Variants in RIMBP2 observed in about 807,000 individuals in gnomAD.
RIMBP2 encodes RIMS binding protein 2, also known as RIMS-binding protein 2.
A neutral mutation model predicts 118.6 loss-of-function variants in RIMBP2; 48 were observed. The ratio of observed to expected loss-of-function variants is 0.40; its 90% confidence interval spans 0.32 to 0.51. The LOEUF is 0.51. Ranked by LOEUF, RIMBP2 falls within the 20% of genes least tolerant of loss-of-function variation. The pLI is 0.41. For synonymous variants in RIMBP2, 762 were observed against 742.9 expected, an observed-to-expected ratio of 1.03 and a Z score of -0.42; for missense variants, 1,551 against 1,768.3, an observed-to-expected ratio of 0.88 and a Z score of 2.20.
chr12:130,636,232 A>G (rs2062339437), intron 1 of RIMBP2, among the ~76,000 whole-genome samples: 3 of 152,192 alleles, frequency 2.0e-5, no homozygotes, highest in Admixed American at 2.0e-4. Flanking sequence ...CACTTCGCCC[A>G]GGAAGCCCTC....
At chr12:130,538,366 T>C (rs1358952336) in intron 2 of RIMBP2, among the ~76,000 whole-genome samples, 1 of 151,990 alleles carries the variant, frequency 6.6e-6, no homozygotes, top group African/African-American at 2.4e-5. Context: ...TAAACGTCCG[T>C]ATGTTTGTCC....
At chr12:130,588,630 T>G (rs955460472) in intron 2 of RIMBP2, among the ~76,000 whole-genome samples, 32 of 152,308 alleles carry the variant, frequency 2.1e-4, no homozygotes, top group African/African-American at 6.7e-4. Context: ...ACCAGAAAGA[T>G]TTCAGGAGAC....
intron 20 of RIMBP2, among the ~76,000 whole-genome samples, chr12:130,407,243 C>T (rs1397597675): frequency 6.6e-6 from 1 of 152,212 alleles, no homozygotes; most frequent in Non-Finnish European, 1.5e-5. Flanking sequence ...CTGGAGACCC[C>T]ACCTCTCATT....
chr12:130,580,872 G>A (rs1462319512), intron 2 of RIMBP2, among the ~76,000 whole-genome samples: 3 of 152,136 alleles, frequency 2.0e-5, no homozygotes, highest in Non-Finnish European at 2.9e-5. Context: ...CCCTGGGGGC[G>A]GAGGTTGCAG....
rs777097560 is a variant in RIMBP2, at chr12:130,604,582, C to CTTT, written c.-217+23737_-217+23739dup. On this transcript the variant is annotated intron_variant, in intron 2 of 22. Transcript: ENST00000690449. ...AGTGCCCTATACAGATGCCCCTTTTCTTTCTTTTTTTTTTTTTTTGAGACA... is the reference window on the plus strand; with the variant it reads ...AGTGCCCTATACAGATGCCCCTTTTCTTTTTTCTTTTTTTTTTTTTTTGAGACA... Among the ~76,000 whole-genome samples, 200 of 67,134 alleles carry CTTT rather than the reference C, an allele frequency of 3.0e-3. 6 individuals are homozygous for CTTT. The highest frequency in any genetic ancestry group is 5.1e-3 in the South Asian group (6 of 1,186). The allele number at this position is 67,134 out of a possible 152,430, so 44.0% of individuals were successfully genotyped here. A position where few individuals can be genotyped will look rare whatever the true frequency, so the allele number is the denominator to read the frequency against.
intron 2 of RIMBP2, among the ~76,000 whole-genome samples, chr12:130,535,755 A>ATATATATATACATATATATATG (rs2054002768): frequency 2.3e-5 from 1 of 43,894 alleles, no homozygotes; most frequent in Non-Finnish European, 5.0e-5. Flanking sequence ...ATATATATAT[A>ATATATATATACATATATATATG]TATATATATA....
chr12:130,450,398 G>A lies in RIMBP2; in HGVS notation c.505-122C>T. Reference sequence around the variant, plus strand: ...CCCAGGAGGGACGGCCTGAGACTGTGGCACTCCCAGGAGGCACTGCCACCC... The same window carrying A: ...CCCAGGAGGGACGGCCTGAGACTGTAGCACTCCCAGGAGGCACTGCCACCC... On this transcript the variant is annotated intron_variant, in intron 8 of 22. Coordinates refer to ENST00000690449, the MANE Select transcript of RIMBP2 (RefSeq NM_001393629.1). The surrounding 1 kb of genome is among the most constrained non-coding windows in gnomAD (Gnocchi z 4.8). 1 of 715,566 alleles carries A rather than the reference G, an allele frequency of 1.4e-6. No individual in the cohort carries two copies. Among genetic ancestry groups the A allele is most frequent in the East Asian group, 2.8e-5 (1 of 35,428 alleles). The allele number at this position is 715,566 out of a possible 1,614,324, so 44.3% of individuals were successfully genotyped here.
At chr12:130,567,604 C>T (rs565322355) in intron 2 of RIMBP2, among the ~76,000 whole-genome samples, 1 of 152,162 alleles carries the variant, frequency 6.6e-6, no homozygotes, top group African/African-American at 2.4e-5. Flanking sequence ...GGCATCGGCA[C>T]GTCCCTGGGA....
intron 4 of RIMBP2, among the ~76,000 whole-genome samples, chr12:130,493,393 C>T (rs2048829540): frequency 6.6e-6 from 1 of 152,116 alleles, no homozygotes; most frequent in African/African-American, 2.4e-5. Flanking sequence ...CGGCTCACTG[C>T]AACCTCCACC....
intron 1 of RIMBP2, among the ~76,000 whole-genome samples, chr12:130,663,180 G>C (rs907010341): frequency 2.0e-5 from 3 of 152,142 alleles, no homozygotes; most frequent in Non-Finnish European, 4.4e-5. Context: ...GGAGGGCTGG[G>C]ATGACTGATG....
chr12:130,635,765 G>A (rs1286927197), intron 1 of RIMBP2, among the ~76,000 whole-genome samples: 4 of 152,092 alleles, frequency 2.6e-5, no homozygotes, highest in Admixed American at 2.6e-4. Flanking sequence ...GCCCAGGGGT[G>A]CAGTCCCACC....
chr12:130,560,982 AAT>A (rs2056776362), intron 2 of RIMBP2, among the ~76,000 whole-genome samples: 1 of 152,262 alleles, frequency 6.6e-6, no homozygotes, highest in Non-Finnish European at 1.5e-5. Flanking sequence ...CCCCTGACTT[AAT>A]ATGACTACAG....
At chr12:130,476,401 A>G (rs747237604) in intron 5 of RIMBP2, among the ~76,000 whole-genome samples, 1 of 152,124 alleles carries the variant, frequency 6.6e-6, no homozygotes, top group Non-Finnish European at 1.5e-5. Context: ...GGTGACTTCT[A>G]TCTTGGTAGG....
At chr12:130,709,154 C>T (rs1469115055) in intron 1 of RIMBP2, among the ~76,000 whole-genome samples, 1 of 152,258 alleles carries the variant, frequency 6.6e-6, no homozygotes, top group Non-Finnish European at 1.5e-5. Flanking sequence ...TTAATTCTCA[C>T]GATCCAGAAG....
intron 2 of RIMBP2, among the ~76,000 whole-genome samples, chr12:130,567,062 G>A (rs1216180451): frequency 1.3e-5 from 2 of 152,152 alleles, no homozygotes; most frequent in African/African-American, 4.8e-5. Flanking sequence ...AAGAGGTGAA[G>A]GAAGTTGGTA....
chr12:130,712,177 G>A (rs1949967230), intron 1 of RIMBP2, among the ~76,000 whole-genome samples: 1 of 152,240 alleles, frequency 6.6e-6, no homozygotes, highest in Non-Finnish European at 1.5e-5. Flanking sequence ...AGACCCTACA[G>A]AGGCTGCACG....
chr12:130,655,471 G>A (rs763055477), intron 1 of RIMBP2, among the ~76,000 whole-genome samples: 10 of 152,156 alleles, frequency 6.6e-5, no homozygotes, highest in African/African-American at 1.4e-4. Flanking sequence ...TGGGCAGGGC[G>A]GAGAGTCAGA....
rs2137999204 is a variant in RIMBP2 at position 130,475,423 on chromosome 12, A to G, written c.102+3489T>C. ...CCACCAAGGAATCTCTAAGTACTGC[A>G]CAATGTGGCACAATCCACCTGTATT... On this transcript the variant is annotated intron_variant, in intron 5 of 22. Transcript: ENST00000690449. The surrounding 1 kb of genome is among the most constrained non-coding windows in gnomAD (Gnocchi z 4.1). Among the ~76,000 whole-genome samples the G allele has an allele frequency of 6.6e-6, 1 of 152,318 alleles. No individual in the cohort carries two copies. The highest frequency in any genetic ancestry group is 2.4e-5 in the African/African-American group (1 of 41,572).
chr12:130,695,205 A>G (rs899672852), intron 1 of RIMBP2, among the ~76,000 whole-genome samples: 2 of 152,142 alleles, frequency 1.3e-5, no homozygotes, highest in Non-Finnish European at 2.9e-5. Context: ...TTCCCTGGTC[A>G]TGACAAGACC....
Sources: gnomAD v4.1 joint callset for allele counts (sites outside exome capture counted in the v4.1 genomes callset) on GRCh38, gnomAD v4.1.1 for gene constraint, Gnocchi (gnomAD v3.1) non-coding constraint, MANE v1.5 for transcripts, NCBI Gene and HGNC (gene_info 2026-07-23, HGNC 2026-07-21) for gene names.